The following DAB1 variants were observed in gnomAD, a reference collection of about 807,000 sequenced individuals.
DAB1 encodes the protein DAB adaptor protein 1, also known as disabled homolog 1.
DAB1 carries 15 observed loss-of-function variants against 64.6 expected under a neutral mutation model. The ratio of observed to expected loss-of-function variants is 0.23; its 90% confidence interval spans 0.16 to 0.36. The LOEUF (loss-of-function observed/expected upper bound fraction) is 0.36. Among genes scored for constraint, DAB1 ranks in the 10% least tolerant of loss-of-function variants. The probability of loss-of-function intolerance (pLI) is 1.00; values close to 1 mark genes in which losing one functional copy is unlikely to be tolerated. For missense variants in DAB1, 596 were observed against 706.7 expected (o/e 0.84, Z 1.78); for synonymous variants, 235 against 251.9 (o/e 0.93, Z 0.64).
intron 4 of DAB1, among the ~76,000 whole-genome samples, chr1:58,302,718 T>C (rs1662202570): frequency 6.6e-6 from 1 of 152,150 alleles, no homozygotes; most frequent in South Asian, 2.1e-4. Flanking sequence ...AAGTACTTTA[T>C]AGGGCTGCTG....
At chr1:58,089,550 C>T (rs1010102622) in intron 5 of DAB1, among the ~76,000 whole-genome samples, 3 of 152,136 alleles carry the variant, frequency 2.0e-5, no homozygotes, top group Non-Finnish European at 2.9e-5. Context: ...AGCAATCTGA[C>T]CTTGTAAAAA....
At chr1:58,381,159 GGA>G (rs1644385083) in intron 3 of DAB1, among the ~76,000 whole-genome samples, 1 of 152,162 alleles carries the variant, frequency 6.6e-6, no homozygotes, top group Non-Finnish European at 1.5e-5. Flanking sequence ...GGAAAAGTGG[GGA>G]GAGAGAGCTT....
intron 5 of DAB1, among the ~76,000 whole-genome samples, chr1:58,113,021 GAGTAAGA>G (rs1652069960): frequency 6.6e-6 from 1 of 152,202 alleles, no homozygotes; most frequent in Non-Finnish European, 1.5e-5. Flanking sequence ...CATAGAAGAT[GAGTAAGA>G]CACATATGTT....
chr1:57,405,070 T>C (rs1380723458), intron 1 of DAB1, among the ~76,000 whole-genome samples: 1 of 152,224 alleles, frequency 6.6e-6, no homozygotes, highest in Non-Finnish European at 1.5e-5. Flanking sequence ...AGCCACAGAA[T>C]GCTGTCATTA....
rs1646440170 is a variant in DAB1 at position 58,531,874 on chromosome 1, A to AT, written n.33-4540dup. Among the ~76,000 whole-genome samples, 8 of 151,994 alleles carry AT rather than the reference A, an allele frequency of 5.3e-5. No homozygotes were observed. The South Asian group carries it at 1.7e-3, about 32-fold the overall frequency. On this transcript the variant is annotated intron_variant and non_coding_transcript_variant, in intron 1 of 20. Coordinates refer to the DAB1 transcript ENST00000485760. ...CAGGTACCCACCACCATGCTCAGCT[A>AT]TTTTTTGTATTTTTAGCAGAGATGG...
At chr1:57,143,216 T>C (rs1480353380) in intron 3 of DAB1, among the ~76,000 whole-genome samples, 1 of 152,150 alleles carries the variant, frequency 6.6e-6, no homozygotes, top group East Asian at 1.9e-4. Context: ...GGATCTGCAG[T>C]TGTCCAACAC....
At chr1:57,329,662 A>G in intron 1 of DAB1, among the ~76,000 whole-genome samples, 1 of 48,494 alleles carries the variant, frequency 2.1e-5, no homozygotes, top group South Asian at 4.7e-4. Context: ...GTCTCTTCCA[A>G]AAAAAAAAAA....
intron 4 of DAB1, among the ~76,000 whole-genome samples, chr1:58,285,003 C>T (rs576337623): frequency 1.3e-5 from 2 of 152,276 alleles, no homozygotes; most frequent in African/African-American, 4.8e-5. Context: ...TTCTTTATGA[C>T]GGTGTTCCAG....
intron 4 of DAB1, among the ~76,000 whole-genome samples, chr1:58,333,125 G>A (rs117186900): frequency 0.026 from 3,966 of 152,218 alleles, 206 homozygotes; most frequent in East Asian, 0.23. Context: ...GGCTAGGCTG[G>A]TCTCGAACTC....
At chr1:57,422,875 G>C (rs1000727212) in intron 1 of DAB1, among the ~76,000 whole-genome samples, 1 of 152,116 alleles carries the variant, frequency 6.6e-6, no homozygotes, top group African/African-American at 2.4e-5. Context: ...ACAGAGAAAA[G>C]AAAAAGCGCC....
intron 3 of DAB1, among the ~76,000 whole-genome samples, chr1:58,500,293 CA>C (rs1318816992): frequency 5.3e-5 from 8 of 152,146 alleles, no homozygotes; most frequent in African/African-American, 1.7e-4. Flanking sequence ...GCCTTTTCCT[CA>C]ACACTCTCTA....
At chr1:57,162,166 T>C (rs1049378070) in intron 2 of DAB1, among the ~76,000 whole-genome samples, 8 of 152,250 alleles carry the variant, frequency 5.3e-5, no homozygotes, top group Non-Finnish European at 1.2e-4. Context: ...CTTCATCATC[T>C]TCCCCTCCTT....
intron 2 of DAB1, 135 bp from the exon 3 acceptor site, chr1:57,145,564 G>C (rs560644086): frequency 7.4e-6 from 6 of 812,472 alleles, no homozygotes; most frequent in East Asian, 2.6e-5. Context: ...CAGGAGAAAA[G>C]AATAGCAGTA....
At chr1:57,719,059 C>T (rs3118018) in intron 6 of DAB1, among the ~76,000 whole-genome samples, 114,003 of 152,068 alleles carry the variant, frequency 0.75, 43,867 homozygotes, top group African/African-American at 0.93. Context: ...TAAATATAAT[C>T]TTTTTCACAG....
At chr1:57,716,853 G>A (rs761049646) in intron 6 of DAB1, among the ~76,000 whole-genome samples, 9 of 152,166 alleles carry the variant, frequency 5.9e-5, no homozygotes, top group Non-Finnish European at 1.0e-4. Context: ...GGGTTAATAC[G>A]TAGAATTTAT....
intron 3 of DAB1, among the ~76,000 whole-genome samples, chr1:58,386,879 G>A (rs1461975200): frequency 6.6e-6 from 1 of 152,104 alleles, no homozygotes; most frequent in African/African-American, 2.4e-5. Context: ...TGACCAACAT[G>A]GAGAAACCCC....
At chr1:57,265,507 C>CT (rs1224019495) in intron 2 of DAB1, among the ~76,000 whole-genome samples, 3 of 152,116 alleles carry the variant, frequency 2.0e-5, no homozygotes, top group Non-Finnish European at 4.4e-5. Flanking sequence ...ATCTACACAA[C>CT]TGTCAGAGAT....
chr1:57,532,756 A>G (rs1242049816), intron 7 of DAB1, among the ~76,000 whole-genome samples: 1 of 152,206 alleles, frequency 6.6e-6, no homozygotes, highest in East Asian at 1.9e-4. Context: ...AGCCTCATTT[A>G]AAGGGCAGTC....
At chr1:57,070,897 T>G in intron 7 of DAB1, 126 bp downstream of exon 7, 1 of 866,074 alleles carries the variant, frequency 1.2e-6, no homozygotes. Flanking sequence ...GCCCTCACCC[T>G]CAGAAATAAT....
Sources: allele counts gnomAD v4.1 joint callset (sites outside exome capture counted in the v4.1 genomes callset), GRCh38; gene constraint gnomAD v4.1.1; transcripts MANE v1.5; gene names NCBI Gene and HGNC (gene_info 2026-07-23, HGNC 2026-07-21).